Variants in MAST4 observed in about 807,000 individuals in gnomAD.
MAST4 encodes microtubule-associated serine/threonine-protein kinase 4.
In MAST4, 89 loss-of-function variants were observed where a neutral mutation model predicts 162.7. The ratio of observed to expected loss-of-function variants is 0.55; its 90% CI spans 0.46 to 0.65. The LOEUF (loss-of-function observed/expected upper bound fraction) is 0.65, where lower values mean the gene tolerates loss of function less well. Among genes scored for constraint, MAST4 ranks in the 30% least tolerant of loss-of-function variants. The probability of loss-of-function intolerance (pLI) is 0.00; values close to 1 mark genes in which losing one functional copy is unlikely to be tolerated. For missense variants in MAST4, 3,153 were observed against 3,374.0 expected (o/e 0.93, Z 1.62); for synonymous variants, 1,479 against 1,361.1 (o/e 1.09, Z -1.91).
intron 3 of MAST4, among the ~76,000 whole-genome samples, chr5:66,826,820 C>A (rs532164138): frequency 6.6e-6 from 1 of 152,266 alleles, no homozygotes; most frequent in South Asian, 2.1e-4. Context: ...CCTCTGTGGG[C>A]AGATAGCAAT....
At chr5:66,665,172 A>G (rs572420051) in intron 1 of MAST4, among the ~76,000 whole-genome samples, 2 of 152,354 alleles carry the variant, frequency 1.3e-5, no homozygotes, top group Admixed American at 1.3e-4. Context: ...TGTTTAAAAG[A>G]AATGAGGTAA....
At chr5:66,644,890 A>C (rs982925448) in intron 1 of MAST4, among the ~76,000 whole-genome samples, 4 of 151,790 alleles carry the variant, frequency 2.6e-5, no homozygotes, top group Non-Finnish European at 4.4e-5. Flanking sequence ...TTGGGAGGTA[A>C]TTTATCAAGG....
At chr5:66,900,104 A>C in intron 4 of MAST4, 122 bp downstream of exon 4, 1 of 680,084 alleles carries the variant, frequency 1.5e-6, no homozygotes, top group Non-Finnish European at 2.2e-6. Context: ...AGAAAACAAA[A>C]AACTGAATTT....
chr5:66,737,242 T>A (rs1218841612), intron 1 of MAST4, among the ~76,000 whole-genome samples: 3 of 152,174 alleles, frequency 2.0e-5, no homozygotes, highest in Non-Finnish European at 4.4e-5. Context: ...ACAGTTCCTT[T>A]ATGTTGCTGG....
At chr5:66,654,074 C>T (rs1043423562) in intron 1 of MAST4, among the ~76,000 whole-genome samples, 1 of 152,130 alleles carries the variant, frequency 6.6e-6, no homozygotes, top group Non-Finnish European at 1.5e-5. Flanking sequence ...ATCGTGCTTA[C>T]AGATTAGGGA....
At chr5:66,876,514 A>T (rs1761310867) in intron 3 of MAST4, among the ~76,000 whole-genome samples, 1 of 152,104 alleles carries the variant, frequency 6.6e-6, no homozygotes, top group Admixed American at 6.5e-5. Context: ...CCCTATTTTC[A>T]AATTGTGTGT....
intron 14 of MAST4, among the ~76,000 whole-genome samples, chr5:67,123,639 A>T (rs756821294): frequency 6.6e-6 from 1 of 152,176 alleles, no homozygotes. Flanking sequence ...TAGCCATCCT[A>T]ATTGGAGTTG....
intron 1 of MAST4, among the ~76,000 whole-genome samples, chr5:66,673,598 C>A (rs1230460917): frequency 6.7e-6 from 1 of 149,024 alleles, no homozygotes; most frequent in African/African-American, 2.5e-5. Context: ...GCGATCACAG[C>A]TCACTGCAAC....
chr5:67,056,266 C>G (rs1366828200), intron 5 of MAST4, among the ~76,000 whole-genome samples: 11 of 151,988 alleles, frequency 7.2e-5, no homozygotes, highest in Non-Finnish European at 1.2e-4. Context: ...ACTACCATTT[C>G]TGTTTGTGAG....
intron 2 of MAST4, among the ~76,000 whole-genome samples, chr5:66,781,854 G>A (rs541915632): frequency 4.9e-4 from 74 of 152,038 alleles, no homozygotes; most frequent in Non-Finnish European, 9.6e-4. Context: ...ATCTAATCGG[G>A]TACCATTATT....
chr5:66,908,079 G>A (rs970831556), intron 4 of MAST4, among the ~76,000 whole-genome samples: 1 of 152,144 alleles, frequency 6.6e-6, no homozygotes, highest in African/African-American at 2.4e-5. Flanking sequence ...ATTTAAAGTG[G>A]CATGTTTACA....
Position 67,104,488 on chromosome 5 carries a change from A to G in MAST4, c.1269A>G (p.Arg423=). 1 of 1,613,910 alleles carries G rather than the reference A, an allele frequency of 6.2e-7. No homozygotes were observed. Among genetic ancestry groups the G allele is most frequent in the Non-Finnish European group, 8.5e-7 (1 of 1,179,840 alleles). The part of the protein sequence containing the change: ...FTHHQIIELA[R]DCLDKSHQGL... ...ACCACCAGATTATTGAACTGGCTCG[A>G]GATTGCTTGGATAAATCCCACCAGG... The change falls in exon 10 of 29, where the codon CGA becomes CGG. Residue 423 remains arginine (R), a synonymous_variant. Coordinates refer to ENST00000403625, the MANE Select transcript of MAST4 (RefSeq NM_001164664.2).
At chr5:66,895,902 G>A (rs990336260) in intron 3 of MAST4, among the ~76,000 whole-genome samples, 2 of 151,952 alleles carry the variant, frequency 1.3e-5, no homozygotes, top group African/African-American at 2.4e-5. Flanking sequence ...GAAAATTACT[G>A]TATACCCTTC....
chr5:66,660,732 T>C (rs1561244628), intron 1 of MAST4, among the ~76,000 whole-genome samples: 2 of 152,212 alleles, frequency 1.3e-5, no homozygotes, highest in Non-Finnish European at 2.9e-5. Context: ...AAAACTATTT[T>C]TTTGATGGTA....
chr5:66,931,269 T>A (rs905126196), intron 4 of MAST4, among the ~76,000 whole-genome samples: 1 of 152,200 alleles, frequency 6.6e-6, no homozygotes, highest in Non-Finnish European at 1.5e-5. Flanking sequence ...TTATGGAGTT[T>A]CAGACATTTA....
intron 4 of MAST4, among the ~76,000 whole-genome samples, chr5:66,931,763 A>T (rs191763627): frequency 6.7e-6 from 1 of 150,136 alleles, no homozygotes; most frequent in South Asian, 2.1e-4. Flanking sequence ...AGTACACTGT[A>T]TTAAAAAAAA....
intron 7 of MAST4, among the ~76,000 whole-genome samples, chr5:67,099,562 A>G (rs2432153): frequency 0.18 from 27,249 of 152,098 alleles, 2,571 homozygotes; most frequent in Middle Eastern, 0.25. Flanking sequence ...AAATACGCTT[A>G]TTCTAACCAT....
intron 2 of MAST4, among the ~76,000 whole-genome samples, chr5:66,786,897 A>G (rs1755143360): frequency 6.6e-6 from 1 of 152,204 alleles, no homozygotes; most frequent in South Asian, 2.1e-4. Context: ...TTGCTTGGAA[A>G]AAATCAATCT....
chr5:67,104,270 GA>G, intron 9 of MAST4, 95 bp from the exon 10 acceptor site: 1 of 920,758 alleles, frequency 1.1e-6, no homozygotes, highest in Non-Finnish European at 1.8e-6. Context: ...ACAACTTGTG[GA>G]GGTCTCTGAA....
Sources: gnomAD v4.1 joint callset for allele counts (sites outside exome capture counted in the v4.1 genomes callset) on GRCh38, gnomAD v4.1.1 for gene constraint, MANE v1.5 for transcripts, NCBI Gene and HGNC (gene_info 2026-07-23, HGNC 2026-07-21) for gene names.